The following CCNB2 variants were observed in gnomAD, a reference collection of about 807,000 sequenced individuals.
CCNB2 encodes G2/mitotic-specific cyclin-B2.
In CCNB2, 39 loss-of-function variants were observed where a neutral mutation model predicts 51.1. The observed-to-expected ratio is 0.76, with a 90% CI of 0.59 to 1.00. The LOEUF (loss-of-function observed/expected upper bound fraction) is 1.00. Ranked by LOEUF, CCNB2 falls within the 50% of genes least tolerant of loss-of-function variation. CCNB2 has a pLI of 0.00. For missense variants in CCNB2, 472 were observed against 470.3 expected (o/e 1.00, Z -0.03); for synonymous variants, 174 against 165.5 (o/e 1.05, Z -0.40).
At chr15:59,111,220 GAGA>G (rs2079256020) in intron 3 of CCNB2, among the ~76,000 whole-genome samples, 4 of 152,158 alleles carry the variant, frequency 2.6e-5, no homozygotes, top group African/African-American at 9.7e-5. Context: ...TTGATTGATG[GAGA>G]AGATCTCACT....
In CCNB2 at chr15:59,124,973, T is replaced by C. The variant is rs925570698; in HGVS notation, c.*96T>C. Reference sequence around the variant, plus strand: ...GTACATAGTCCTCTGGTCTATCTCATGAAACCTCTTCTCAGACCAGTTTTC... The same window carrying C: ...GTACATAGTCCTCTGGTCTATCTCACGAAACCTCTTCTCAGACCAGTTTTC... On this transcript the variant is annotated 3_prime_UTR_variant, in exon 9 of 9. Transcript: ENST00000288207. 6 of 649,562 alleles carry C rather than the reference T, an allele frequency of 9.2e-6. No homozygotes were observed. In the Admixed American group the frequency reaches 1.1e-4, roughly 12 times the overall value. The allele number at this position is 649,562 out of a possible 1,614,324, so 40.2% of individuals were successfully genotyped here. A position where few individuals can be genotyped will look rare whatever the true frequency, so the allele number is the denominator to read the frequency against.
chr15:59,114,289 A>G (rs1209831544), intron 3 of CCNB2, among the ~76,000 whole-genome samples, 155 bp from the exon 4 acceptor site: 1 of 152,244 alleles, frequency 6.6e-6, no homozygotes, highest in African/African-American at 2.4e-5. Flanking sequence ...AGAACTTCAC[A>G]TACTATATCT....
intron 5 of CCNB2, among the ~76,000 whole-genome samples, 190 bp downstream of exon 5, chr15:59,115,066 A>C (rs2140288306): frequency 6.6e-6 from 1 of 152,302 alleles, no homozygotes; most frequent in Admixed American, 6.5e-5. Context: ...GCGGACCAAT[A>C]ATGGGCATTT....
At chr15:59,113,798 T>C (rs1353670717) in intron 3 of CCNB2, among the ~76,000 whole-genome samples, 3 of 152,142 alleles carry the variant, frequency 2.0e-5, no homozygotes, top group African/African-American at 7.2e-5. Flanking sequence ...TGATCTTGGC[T>C]CATTGCAACC....
chr15:59,106,242 G>A (rs369453556), intron 1 of CCNB2, among the ~76,000 whole-genome samples: 1 of 152,216 alleles, frequency 6.6e-6, no homozygotes, highest in Non-Finnish European at 1.5e-5. Flanking sequence ...GGAAGAAATT[G>A]AAGTGTGACT....
At chr15:59,105,878 TA>T (rs796688737) in intron 1 of CCNB2, among the ~76,000 whole-genome samples, 34 of 152,340 alleles carry the variant, frequency 2.2e-4, no homozygotes, top group African/African-American at 6.5e-4. Context: ...TTTGTCCCCT[TA>T]AAAAATTAAT....
At chr15:59,111,859 T>TC (rs59208622) in intron 3 of CCNB2, among the ~76,000 whole-genome samples, 1,478 of 146,806 alleles carry the variant, frequency 0.01, 17 homozygotes, top group Middle Eastern at 0.042. Flanking sequence ...TTTCTTTCTT[T>TC]TTTTTTTTTT....
chr15:59,110,216 T>G (rs1344837585), intron 3 of CCNB2, among the ~76,000 whole-genome samples: 1 of 152,210 alleles, frequency 6.6e-6, no homozygotes, highest in African/African-American at 2.4e-5. Flanking sequence ...CTGACTCCTT[T>G]TTCTCTTGCT....
chr15:59,105,496 A>G (rs1345072067), intron 1 of CCNB2, among the ~76,000 whole-genome samples: 2 of 151,828 alleles, frequency 1.3e-5, no homozygotes, highest in Non-Finnish European at 2.9e-5. Context: ...GCCCTCCCCT[A>G]ACCCCTCCCT....
intron 7 of CCNB2, among the ~76,000 whole-genome samples, chr15:59,122,608 T>C (rs2140291622): frequency 6.7e-6 from 1 of 150,246 alleles, no homozygotes; most frequent in Non-Finnish European, 1.5e-5. Context: ...GGCGTTAATA[T>C]CGCTCATTAC....
chr15:59,121,931 C>CAAAA lies in CCNB2; in HGVS notation c.976-1559_976-1556dup, dbSNP rs3052992. Among the ~76,000 whole-genome samples the CAAAA allele has an allele frequency of 2.4e-3, 34 of 14,098 alleles. 1 individual carries two copies. Among genetic ancestry groups the CAAAA allele is most frequent in the African/African-American group, 6.0e-3 (32 of 5,332 alleles). The allele number at this position is 14,098 out of a possible 152,430, so 9.2% of individuals were successfully genotyped here. A position where few individuals can be genotyped will look rare whatever the true frequency, so the allele number is the denominator to read the frequency against. On this transcript the variant is annotated intron_variant, in intron 7 of 8. Transcript: ENST00000288207. ...TGGGCGACAGAATGAGACTCTGTCTCAAAAAAAAAAAAAAAAAAAAAAAAA... is the reference window on the plus strand; with the variant it reads ...TGGGCGACAGAATGAGACTCTGTCTCAAAAAAAAAAAAAAAAAAAAAAAAAAAAA...
chr15:59,105,460 G>T (rs1328322385), intron 1 of CCNB2, among the ~76,000 whole-genome samples, 168 bp downstream of exon 1: 1 of 152,142 alleles, frequency 6.6e-6, no homozygotes, highest in African/African-American at 2.4e-5. Context: ...GGTCCTCTCC[G>T]GCCCGCCTTT....
At position 59,124,805 on chromosome 15, in the gene CCNB2, G is replaced by T. The variant is rs757391426; in HGVS notation, c.1125G>T (p.Lys375Asn). The change falls in exon 9 of 9, where the codon AAG becomes AAT. Residue 375 changes from lysine (K) to asparagine (N), a missense_variant. Coordinates refer to ENST00000288207, the MANE Select transcript of CCNB2 (RefSeq NM_004701.4). Reference sequence around the variant, plus strand: ...AGTATGCAAGCAGCAAACTCCTGAAGATCAGCATGATCCCTCAGCTGAACT... The same window carrying T: ...AGTATGCAAGCAGCAAACTCCTGAATATCAGCATGATCCCTCAGCTGAACT... ...KNKYASSKLL[K>N]ISMIPQLNSK... 1.9e-6 allele frequency: 3 copies of T among 1,613,344 alleles called. No individual in the cohort carries two copies. The Admixed American group carries it at 5.0e-5, about 27-fold the overall frequency.
chr15:59,107,783 T>C, intron 3 of CCNB2, 113 bp downstream of exon 3: 5 of 754,694 alleles, frequency 6.6e-6, no homozygotes, highest in Non-Finnish European at 4.4e-6. Context: ...TAGCTGGAGC[T>C]CTGCTTTGAA....
At chr15:59,123,896 T>C (rs2079314186) in intron 8 of CCNB2, 1 of 375,406 alleles carries the variant, frequency 2.7e-6, no homozygotes, top group Non-Finnish European at 5.0e-6. Context: ...GGTTACTCAA[T>C]GTATTGAATT....
At chr15:59,117,399 A>T (rs767219342) in intron 7 of CCNB2, 31 bp downstream of exon 7, 1 of 1,603,752 alleles carries the variant, frequency 6.2e-7, no homozygotes, top group Non-Finnish European at 8.5e-7. Context: ...GAAACTAATT[A>T]GGCTATATTT....
chr15:59,119,707 T>G (rs2079294544), intron 7 of CCNB2, among the ~76,000 whole-genome samples: 1 of 152,148 alleles, frequency 6.6e-6, no homozygotes, highest in Admixed American at 6.6e-5. Context: ...TTTAAATTAT[T>G]AATTCATTAA....
In CCNB2 at chr15:59,124,786, C is replaced by T. The variant is rs1338763357; in HGVS notation, c.1106C>T (p.Ala369Val). Residue 369 changes from alanine to valine, a missense_variant, in exon 9 of 9, where the codon GCA becomes GTA. Transcript: ENST00000288207. ...TKFIAIKNKYASSKLLKISMI... is the reference protein window; with the variant it reads ...TKFIAIKNKYVSSKLLKISMI... ...CTGCAGGCCATCAAGAATAAGTATGCAAGCAGCAAACTCCTGAAGATCAGC... is the reference window on the plus strand; with the variant it reads ...CTGCAGGCCATCAAGAATAAGTATGTAAGCAGCAAACTCCTGAAGATCAGC... 1.9e-6 allele frequency: 3 copies of T among 1,613,690 alleles called. No homozygotes were observed. The African/African-American group carries it at 4.0e-5, about 22-fold the overall frequency.
chr15:59,112,162 A>C (rs907925166), intron 3 of CCNB2, among the ~76,000 whole-genome samples: 3 of 150,992 alleles, frequency 2.0e-5, no homozygotes, highest in Non-Finnish European at 4.4e-5. Flanking sequence ...TGGGTTCTCA[A>C]ATTCTTGTAT....
Sources: gnomAD v4.1 joint callset for allele counts (sites outside exome capture counted in the v4.1 genomes callset) on GRCh38, gnomAD v4.1.1 for gene constraint, MANE v1.5 for transcripts, NCBI Gene and HGNC (gene_info 2026-07-23, HGNC 2026-07-21) for gene names.